The following QTGAL variants were observed in gnomAD, a reference collection of about 807,000 sequenced individuals.
QTGAL encodes queuosine-tRNA galactosyltransferase, also known as BGnT-like protein 1.
the QTGAL span, among the ~76,000 whole-genome samples, chr17:83,019,937 T>C: frequency 1.3e-5 from 2 of 152,130 alleles, no homozygotes; most frequent in Non-Finnish European, 2.9e-5. Flanking sequence ...TTTCACCACG[T>C]TGGCCAGGCT....
the QTGAL span, among the ~76,000 whole-genome samples, chr17:83,030,330 A>G: frequency 9.2e-5 from 14 of 152,356 alleles, no homozygotes; most frequent in African/African-American, 3.4e-4. Flanking sequence ...ACACAACTGC[A>G]GAATGAGCGC....
chr17:83,016,054 C>T, the QTGAL span, among the ~76,000 whole-genome samples: 12 of 152,044 alleles, frequency 7.9e-5, no homozygotes, highest in Admixed American at 2.6e-4. Context: ...TTTAAGGTGC[C>T]GGCCATAAGC....
At chr17:82,969,421 C>T in the QTGAL span, among the ~76,000 whole-genome samples, 2 of 76,428 alleles carry the variant, frequency 2.6e-5, no homozygotes, top group African/African-American at 6.5e-5. Flanking sequence ...GTTGCCCAGG[C>T]TGGTCTTGAA....
chr17:83,028,379 C>T, the QTGAL span, among the ~76,000 whole-genome samples: 2 of 150,982 alleles, frequency 1.3e-5, no homozygotes, highest in Non-Finnish European at 3.0e-5. Flanking sequence ...AAAAAATTAG[C>T]CGGGCGAGGT....
the QTGAL span, among the ~76,000 whole-genome samples, chr17:82,973,452 G>A: frequency 2.6e-5 from 4 of 152,192 alleles, no homozygotes; most frequent in Non-Finnish European, 2.9e-5. Flanking sequence ...CGGTTTTCAC[G>A]GTCTTCCCGG....
At chr17:82,948,291 G>C in the QTGAL span, 39,243 of 152,218 alleles carry the variant, frequency 0.26, 5,340 homozygotes, top group East Asian at 0.43. Flanking sequence ...GAGCCGAGCA[G>C]CTGGGCCCTC....
chr17:83,032,229 T>C, the QTGAL span, among the ~76,000 whole-genome samples: 5,641 of 21,732 alleles, frequency 0.26, 1,706 homozygotes, highest in East Asian at 0.45. Context: ...AGACCGAGCT[T>C]GGGAGCTGAA....
the QTGAL span, chr17:82,949,416 C>T: frequency 2.2e-4 from 34 of 152,274 alleles, no homozygotes; most frequent in African/African-American, 7.7e-4. Flanking sequence ...CAAACGTGAA[C>T]CTTGGGTTTC....
chr17:83,019,066 G>A, the QTGAL span, among the ~76,000 whole-genome samples: 3 of 152,190 alleles, frequency 2.0e-5, no homozygotes, highest in Non-Finnish European at 4.4e-5. Flanking sequence ...GGAGACGCAC[G>A]ATGACGCCGC....
the QTGAL span, chr17:82,957,335 G>A: frequency 1.9e-6 from 3 of 1,613,754 alleles, no homozygotes; most frequent in Non-Finnish European, 2.5e-6. Context: ...GGCAGGCAGT[G>A]TTGGAGGGTG....
the QTGAL span, among the ~76,000 whole-genome samples, chr17:83,042,533 C>T: frequency 3.0e-4 from 46 of 152,104 alleles, no homozygotes; most frequent in East Asian, 5.2e-3. Context: ...ACCACTAAGA[C>T]GATCATTTAG....
At chr17:82,996,066 T>C in the QTGAL span, among the ~76,000 whole-genome samples, 1 of 152,142 alleles carries the variant, frequency 6.6e-6, no homozygotes, top group East Asian at 1.9e-4. Flanking sequence ...ATGAAAACTA[T>C]AAAACACTGA....
chr17:82,971,548 C>T, the QTGAL span, among the ~76,000 whole-genome samples: 3 of 151,356 alleles, frequency 2.0e-5, no homozygotes, highest in Admixed American at 6.6e-5. Context: ...GGGAAGGAGG[C>T]GTGGGGGCTA....
the QTGAL span, among the ~76,000 whole-genome samples, chr17:82,971,606 G>A: frequency 2.0e-5 from 3 of 147,522 alleles, no homozygotes; most frequent in South Asian, 2.2e-4. Context: ...ACCCGGTACT[G>A]ACCACACCAC....
At chr17:83,024,509 G>A in the QTGAL span, among the ~76,000 whole-genome samples, 1 of 152,266 alleles carries the variant, frequency 6.6e-6, no homozygotes, top group Non-Finnish European at 1.5e-5. Flanking sequence ...TGGGTTGCGT[G>A]TGGGGCCTCA....
the QTGAL span, among the ~76,000 whole-genome samples, chr17:82,989,452 A>G: frequency 6.7e-6 from 1 of 148,908 alleles, no homozygotes; most frequent in Non-Finnish European, 1.5e-5. Flanking sequence ...AGGTTTGCCT[A>G]TGTAACAAAT....
the QTGAL span, among the ~76,000 whole-genome samples, chr17:82,951,818 C>T: frequency 0.15 from 21,387 of 139,326 alleles, 2,068 homozygotes; most frequent in Non-Finnish European, 0.2. Flanking sequence ...TGGGGGGGAG[C>T]GGGGAGGCGA....
the QTGAL span, among the ~76,000 whole-genome samples, chr17:82,976,330 C>A: frequency 3.7e-5 from 3 of 80,132 alleles, no homozygotes; most frequent in South Asian, 3.9e-4. Context: ...TTATGGGGAA[C>A]GAGGGCCCCG....
At chr17:83,006,182 A>G in the QTGAL span, 3 of 986,044 alleles carry the variant, frequency 3.0e-6, no homozygotes, top group South Asian at 1.4e-4. This position sits in a 1 kb window ranked among gnomAD's most constrained non-coding sequence, Gnocchi z 5.8. Flanking sequence ...TGAAAATGTA[A>G]CTGTGGTCCA....
Sources: allele counts gnomAD v4.1 joint callset (sites outside exome capture counted in the v4.1 genomes callset), GRCh38; gene constraint gnomAD v4.1.1; non-coding constraint Gnocchi (gnomAD v3.1); transcripts MANE v1.5; gene names NCBI Gene and HGNC (gene_info 2026-07-23, HGNC 2026-07-21).